The following ZDHHC23 variants were observed in gnomAD, a reference collection of about 807,000 sequenced individuals.
ZDHHC23 encodes the protein zDHHC palmitoyltransferase 23.
In ZDHHC23, 41 loss-of-function variants were observed where a neutral mutation model predicts 40.2. That is an observed-to-expected ratio of 1.02 (90% CI 0.79 to 1.32). The LOEUF is 1.32. Among genes scored for constraint, ZDHHC23 ranks in the 40% most tolerant of loss-of-function variants. The probability of loss-of-function intolerance (pLI) is 0.00; values close to 1 mark genes in which losing one functional copy is unlikely to be tolerated. For synonymous variants in ZDHHC23, 204 were observed against 210.2 expected (o/e 0.97, Z 0.26); for missense variants, 471 against 541.5 (o/e 0.87, Z 1.29).
In ZDHHC23 at chr3:113,958,716, CCA is replaced by C. The variant is rs1168357136; in HGVS notation, c.*87_*88del. 8 of 1,590,982 alleles carry C rather than the reference CCA, an allele frequency of 5.0e-6. No homozygotes were observed. The highest frequency in any genetic ancestry group is 1.7e-4 in the Middle Eastern group (1 of 6,048). On this transcript the variant is annotated 3_prime_UTR_variant, in exon 5 of 5. Transcript: ENST00000638807. ...TACACTTCAGTGTCCATTTCTATCC[CCA>C]GTTTCTTAAAGGCATTATAGGGCCA... is the stretch of plus-strand genomic sequence containing the variant.
chr3:113,965,317 T>C (rs1559860693), downstream of ZDHHC23: 2 of 1,610,442 alleles, frequency 1.2e-6, no homozygotes, highest in Non-Finnish European at 8.5e-7. Flanking sequence ...TCATAAATTT[T>C]ACAAACTTCT....
At chr3:113,954,774 C>T (rs1939012171) in intron 3 of ZDHHC23, among the ~76,000 whole-genome samples, 1 of 152,110 alleles carries the variant, frequency 6.6e-6, no homozygotes, top group Admixed American at 6.6e-5. Flanking sequence ...CTGTGCTATT[C>T]CTTTTTAAAC....
At chr3:113,967,509 T>C (rs1940330671), downstream of ZDHHC23, among the ~76,000 whole-genome samples, 1 of 152,238 alleles carries the variant, frequency 6.6e-6, no homozygotes, top group African/African-American at 2.4e-5. Context: ...TTTATAATAT[T>C]TTTATTGATA....
chr3:113,959,826 G>C lies in ZDHHC23; in HGVS notation c.*1196G>C, dbSNP rs947128291. ...CTAAGAGAGAAGAAACAGGGTATAT[G>C]TGGTTTCCACTATTAATGGATTACT... On this transcript the variant is annotated 3_prime_UTR_variant, in exon 5 of 5. Coordinates refer to ENST00000638807, the MANE Select transcript of ZDHHC23 (RefSeq NM_001320466.2). The C allele has an allele frequency of 2.6e-5, 27 of 1,034,718 alleles. No homozygotes were observed. Among genetic ancestry groups the C allele is most frequent in the Middle Eastern group, 4.9e-4 (1 of 2,050 alleles). The allele number at this position is 1,034,718 out of a possible 1,614,324, so 64.1% of individuals were successfully genotyped here.
In ZDHHC23 at chr3:113,948,962, C is replaced by T. The variant is rs1286071234; in HGVS notation, c.160C>T (p.Arg54Ter). The T allele has an allele frequency of 1.2e-6, 2 of 1,613,996 alleles. No individual in the cohort carries two copies. The highest frequency in any genetic ancestry group is 1.3e-5 in the African/African-American group (1 of 74,910). Residue 54 changes from arginine to a stop codon, truncating the protein, a stop_gained and splice_region_variant, in exon 2 of 5, where the codon CGA (arginine) becomes TGA (stop). Transcript: ENST00000638807. LOFTEE classifies it high-confidence loss of function. ...DCQDLDEGCD[R>*]WITCKSLQPE... is the part of the protein sequence containing the mutation. ...TCAAGATCTGGATGAAGGGTGTGAT[C>T]GGTAAGAACAGAGCATTTCTTGACG...
At chr3:113,973,843 T>A in the ZDHHC23 span, among the ~76,000 whole-genome samples, 1 of 151,984 alleles carries the variant, frequency 6.6e-6, no homozygotes, top group African/African-American at 2.4e-5. Context: ...TTGGAAAGTT[T>A]CCTATTTTTA....
chr3:113,953,922 C>G lies in ZDHHC23; in HGVS notation c.384C>G (p.Tyr128Ter). 1 of 1,614,144 alleles carries G rather than the reference C, an allele frequency of 6.2e-7. No individual in the cohort carries two copies. Among genetic ancestry groups the G allele is most frequent in the Non-Finnish European group, 8.5e-7 (1 of 1,180,032 alleles). Residue 128 changes from tyrosine to a stop codon, truncating the protein, a stop_gained, in exon 3 of 5, where the codon TAC (tyrosine) becomes TAG (stop). Transcript: ENST00000638807. LOFTEE classifies it high-confidence loss of function. Reference sequence around the variant, plus strand: ...TTCCTGTGCTGGCACTGTGGTACTACTACCTCACTCACAGAAGGAAAGAAC... The same window carrying G: ...TTCCTGTGCTGGCACTGTGGTACTAGTACCTCACTCACAGAAGGAAAGAAC... The part of the protein sequence containing the change: ...TSLPVLALWY[Y>*]YLTHRRKEQT...
the ZDHHC23 span, among the ~76,000 whole-genome samples, chr3:113,974,012 G>T: frequency 6.6e-6 from 1 of 150,910 alleles, no homozygotes; most frequent in South Asian, 2.1e-4. Context: ...ATTTTCAAGT[G>T]GCTTGTCTTT....
chr3:113,978,978 C>T, the ZDHHC23 span: 1 of 1,613,896 alleles, frequency 6.2e-7, no homozygotes, highest in East Asian at 2.2e-5. Context: ...TGTATTTCCT[C>T]TGCAGGAACA....
chr3:113,976,710 G>T, the ZDHHC23 span, among the ~76,000 whole-genome samples: 3 of 151,766 alleles, frequency 2.0e-5, no homozygotes, highest in African/African-American at 7.3e-5. Flanking sequence ...ATAGTACCCT[G>T]TTTAGTCTTC....
At position 113,959,469 on chromosome 3, in the gene ZDHHC23, AAAT is replaced by A. The variant is rs1939528571; in HGVS notation, c.*842_*844del. The A allele has an allele frequency of 1.6e-6, 2 of 1,261,962 alleles. No homozygotes were observed. The highest frequency in any genetic ancestry group is 2.1e-6 in the Non-Finnish European group (2 of 967,190). 78.2% of individuals were successfully genotyped at this position (1,261,962 alleles called of 1,614,324 possible). ...TATAAATTCTGCTTGGGTTTCTTAT[AAAT>A]AACTCCAACAGGCATTCATGTGTTT... On this transcript the variant is annotated 3_prime_UTR_variant, in exon 5 of 5. Transcript: ENST00000638807.
chr3:113,953,732 C>T lies in ZDHHC23; in HGVS notation c.194C>T (p.Thr65Ile). The T allele has an allele frequency of 6.2e-7, 1 of 1,614,010 alleles. No individual in the cohort carries two copies. The highest frequency in any genetic ancestry group is 8.5e-7 in the Non-Finnish European group (1 of 1,179,952). ...WITCKSLQPETCERIMDTISD... is the reference protein window; with the variant it reads ...WITCKSLQPEICERIMDTISD... ...ACATGTAAATCTTTACAGCCAGAGA[C>T]TTGTGAAAGAATCATGGATACAATT... The change falls in exon 3 of 5, where the codon ACT (threonine) becomes ATT (isoleucine). Residue 65 changes from threonine to isoleucine, a missense_variant. Physicochemically the swap from Thr to Ile is moderately conservative, Grantham distance 89 (BLOSUM62 -1). Coordinates refer to ENST00000638807, the MANE Select transcript of ZDHHC23 (RefSeq NM_001320466.2).
the ZDHHC23 span, chr3:113,978,761 A>AAACAT: frequency 7.4e-7 from 1 of 1,343,392 alleles, no homozygotes; most frequent in Non-Finnish European, 1.0e-6. Flanking sequence ...GTTCTTGAAA[A>AAACAT]AACATAATGA....
chr3:113,959,859 C>T lies in ZDHHC23; in HGVS notation c.*1229C>T, dbSNP rs1939567545. On this transcript the variant is annotated 3_prime_UTR_variant, in exon 5 of 5. Transcript: ENST00000638807. Reference sequence around the variant, plus strand: ...CACTATTAATGGATTACTGTTCTTCCCTGGCTCTTCCGACAATAACAAGTT... The same window carrying T: ...CACTATTAATGGATTACTGTTCTTCTCTGGCTCTTCCGACAATAACAAGTT... 1.0e-6 allele frequency: 1 copy of T among 1,002,904 alleles called. No individual in the cohort carries two copies. The highest frequency in any genetic ancestry group is 1.2e-6 in the Non-Finnish European group (1 of 838,536). 62.1% of individuals were successfully genotyped at this position (1,002,904 alleles called of 1,614,324 possible). A position where few individuals can be genotyped will look rare whatever the true frequency, so the allele number is the denominator to read the frequency against.
chr3:113,958,291 A>G, intron 4 of ZDHHC23, 72 bp from the exon 5 acceptor site: 2 of 1,398,354 alleles, frequency 1.4e-6, no homozygotes, highest in Non-Finnish European at 2.0e-6. Context: ...AAATGTGTAA[A>G]ACGTGAGAAT....
chr3:113,959,458 G>T lies in ZDHHC23; in HGVS notation c.*828G>T. On this transcript the variant is annotated 3_prime_UTR_variant, in exon 5 of 5. Transcript: ENST00000638807. Reference sequence around the variant, plus strand: ...TATTTATATTTTATAAATTCTGCTTGGGTTTCTTATAAATAACTCCAACAG... The same window carrying T: ...TATTTATATTTTATAAATTCTGCTTTGGTTTCTTATAAATAACTCCAACAG... 8.0e-7 allele frequency: 1 copy of T among 1,255,780 alleles called. No individual in the cohort carries two copies. The highest frequency in any genetic ancestry group is 1.0e-6 in the Non-Finnish European group (1 of 962,550). The allele number at this position is 1,255,780 out of a possible 1,614,324, so 77.8% of individuals were successfully genotyped here.
the ZDHHC23 span, among the ~76,000 whole-genome samples, chr3:113,973,814 G>GT: frequency 6.6e-6 from 1 of 151,882 alleles, no homozygotes; most frequent in East Asian, 1.9e-4. Context: ...CCTATACGTG[G>GT]ATATGTCTTT....
rs968586622 is a variant in ZDHHC23, at chr3:113,960,903, C to A, written c.*2273C>A. On this transcript the variant is annotated 3_prime_UTR_variant, in exon 5 of 5. Transcript: ENST00000638807. The stretch of plus-strand genomic sequence containing the variant: ...CTTGTGTGGGAAAAGCCTTCCCAGG[C>A]GTCTGTACCGAAAGGAGCAGCAAAC... The A allele has an allele frequency of 6.9e-6, 7 of 1,019,224 alleles. No homozygotes were observed. The highest frequency in any genetic ancestry group is 1.7e-5 in the African/African-American group (1 of 58,772). The allele number at this position is 1,019,224 out of a possible 1,614,324, so 63.1% of individuals were successfully genotyped here. A position where few individuals can be genotyped will look rare whatever the true frequency, so the allele number is the denominator to read the frequency against.
chr3:113,956,326 A>C lies in ZDHHC23; in HGVS notation c.873-13A>C. 6.2e-7 allele frequency: 1 copy of C among 1,610,132 alleles called. No individual in the cohort carries two copies. The highest frequency in any genetic ancestry group is 8.5e-7 in the Non-Finnish European group (1 of 1,178,788). The stretch of plus-strand genomic sequence containing the variant: ...AATGTGTTTGCTTTTTTATTTCTCT[A>C]TGCTGTTTTGAGGATAAATAGCTGC... On this transcript the variant is annotated splice_polypyrimidine_tract_variant and intron_variant, in intron 3 of 4. Coordinates refer to ENST00000638807, the MANE Select transcript of ZDHHC23 (RefSeq NM_001320466.2).
Sources: gnomAD v4.1 joint callset for allele counts (sites outside exome capture counted in the v4.1 genomes callset) on GRCh38, gnomAD v4.1.1 for gene constraint, MANE v1.5 for transcripts, NCBI Gene and HGNC (gene_info 2026-07-23, HGNC 2026-07-21) for gene names.